FAM117B: variants seen among roughly 807,000 people sequenced by gnomAD.
FAM117B encodes protein FAM117B.
Under a neutral mutation model 52.8 loss-of-function variants are expected in FAM117B, and 22 were observed. That is an observed-to-expected ratio of 0.42 (90% CI 0.30 to 0.59). The LOEUF (loss-of-function observed/expected upper bound fraction) is 0.59, where lower values mean the gene tolerates loss of function less well. FAM117B is among the 20% of genes least tolerant of loss of function. The pLI, the probability that FAM117B is intolerant of heterozygous loss-of-function variation, is 0.22. For missense variants in FAM117B, 678 were observed against 802.6 expected, an observed-to-expected ratio of 0.84 and a Z score of 1.88; for synonymous variants, 309 against 324.1, an observed-to-expected ratio of 0.95 and a Z score of 0.50.
chr2:202,661,937 A>G (rs1034215684), intron 1 of FAM117B, among the ~76,000 whole-genome samples: 2 of 151,992 alleles, frequency 1.3e-5, no homozygotes, highest in Non-Finnish European at 2.9e-5. Flanking sequence ...AAAAAAAAAA[A>G]AGATCAACAA....
rs1424848732 is a variant in FAM117B, at chr2:202,668,467, G to T, written c.602-27414G>T. ...TGCGTAAACCTGAGAAGTGGAGGTT[G>T]CAGTGAGCTGAGATCACGCCACTGC... On this transcript the variant is annotated intron_variant, in intron 1 of 7. Coordinates refer to ENST00000392238, the MANE Select transcript of FAM117B (RefSeq NM_173511.4). Among the ~76,000 whole-genome samples the T allele has an allele frequency of 3.5e-5, 5 of 141,352 alleles. No individual in the cohort carries two copies. In the East Asian group the frequency reaches 8.0e-4, roughly 23 times the overall value. The allele number at this position is 141,352 out of a possible 152,430, so 92.7% of individuals were successfully genotyped here.
intron 1 of FAM117B, among the ~76,000 whole-genome samples, chr2:202,685,142 C>T (rs1690520547): frequency 6.6e-6 from 1 of 152,042 alleles, no homozygotes. Flanking sequence ...GCTACTATGC[C>T]TGGCTAATAT....
chr2:202,690,054 C>T (rs1337049173), intron 1 of FAM117B, among the ~76,000 whole-genome samples: 1 of 152,194 alleles, frequency 6.6e-6, no homozygotes, highest in African/African-American at 2.4e-5. Context: ...GTTTGGGATG[C>T]TCCACTAGTG....
At chr2:202,749,726 T>G (rs1252310764) in intron 4 of FAM117B, among the ~76,000 whole-genome samples, 1 of 152,016 alleles carries the variant, frequency 6.6e-6, no homozygotes, top group Non-Finnish European at 1.5e-5. Flanking sequence ...GCCAGGAGTT[T>G]GAGACCAGCC....
chr2:202,685,238 G>C (rs1486059107), intron 1 of FAM117B, among the ~76,000 whole-genome samples: 1 of 152,136 alleles, frequency 6.6e-6, no homozygotes, highest in Non-Finnish European at 1.5e-5. Flanking sequence ...ACCTGCCTCT[G>C]CCTCCCAAAG....
chr2:202,695,829 CTTTG>C (rs1214834273), intron 1 of FAM117B, 48 bp from the exon 2 acceptor site: 64 of 1,525,524 alleles, frequency 4.2e-5, no homozygotes, highest in South Asian at 3.2e-4. Context: ...TTAGTTTCTG[CTTTG>C]TTTCTTTCCT....
Position 202,695,877 on chromosome 2 carries a change from C to T in FAM117B, c.602-4C>T. 1 of 1,576,412 alleles carries T rather than the reference C, an allele frequency of 6.3e-7. No homozygotes were observed. Among genetic ancestry groups the T allele is most frequent in the Admixed American group, 1.9e-5 (1 of 53,016 alleles). On this transcript the variant is annotated splice_polypyrimidine_tract_variant and splice_region_variant and intron_variant, in intron 1 of 7. Transcript: ENST00000392238. Reference sequence around the variant, plus strand: ...TAAAACAAGCATTTTTGTCTTAAATCTAGGTGACAAAACACGACAGCCTTC... The same window carrying T: ...TAAAACAAGCATTTTTGTCTTAAATTTAGGTGACAAAACACGACAGCCTTC...
intron 4 of FAM117B, among the ~76,000 whole-genome samples, chr2:202,733,146 G>T (rs1028496881): frequency 2.6e-5 from 4 of 152,122 alleles, no homozygotes; most frequent in African/African-American, 9.7e-5. Flanking sequence ...AAACCAGCAG[G>T]TTTTCATTAA....
intron 2 of FAM117B, among the ~76,000 whole-genome samples, chr2:202,702,430 G>T (rs1360739562): frequency 6.6e-6 from 1 of 151,990 alleles, no homozygotes; most frequent in African/African-American, 2.4e-5. Flanking sequence ...AAATAAAAAA[G>T]AAAGAAATTG....
At chr2:202,678,702 A>G (rs1405654863) in intron 1 of FAM117B, among the ~76,000 whole-genome samples, 1 of 152,172 alleles carries the variant, frequency 6.6e-6, no homozygotes, top group Non-Finnish European at 1.5e-5. Context: ...GATTACAGGC[A>G]TGCGCCACCA....
At chr2:202,648,527 C>A (rs1172701612) in intron 1 of FAM117B, among the ~76,000 whole-genome samples, 3 of 130,582 alleles carry the variant, frequency 2.3e-5, no homozygotes, top group African/African-American at 8.7e-5. Flanking sequence ...CACCCCCCCC[C>A]CAAAACAAAA....
At chr2:202,762,596 TTTTC>T (rs778525038) in intron 7 of FAM117B, among the ~76,000 whole-genome samples, 22 of 152,330 alleles carry the variant, frequency 1.4e-4, no homozygotes, top group Non-Finnish European at 2.8e-4. Flanking sequence ...GCGTGAGTTT[TTTTC>T]TTTCTATGTA....
intron 1 of FAM117B, among the ~76,000 whole-genome samples, chr2:202,682,396 G>A (rs1417385601): frequency 6.6e-6 from 1 of 152,166 alleles, no homozygotes; most frequent in Non-Finnish European, 1.5e-5. Flanking sequence ...GGCTAGTATG[G>A]AGTTTGCTCT....
intron 1 of FAM117B, among the ~76,000 whole-genome samples, chr2:202,650,091 G>T (rs905363276): frequency 2.6e-5 from 4 of 151,894 alleles, no homozygotes; most frequent in African/African-American, 9.7e-5. Context: ...GTGTTTTAGA[G>T]CAATTAAAAA....
chr2:202,671,822 G>T (rs1221182500), intron 1 of FAM117B, among the ~76,000 whole-genome samples: 4 of 152,142 alleles, frequency 2.6e-5, no homozygotes, highest in Non-Finnish European at 1.5e-5. Context: ...GCAAATCCCA[G>T]AAATTGTTGT....
chr2:202,752,899 T>C (rs993630336), intron 4 of FAM117B, among the ~76,000 whole-genome samples: 1 of 152,248 alleles, frequency 6.6e-6, no homozygotes, highest in African/African-American at 2.4e-5. Context: ...TGGAAGTGGT[T>C]CTGTTAAATA....
intron 2 of FAM117B, among the ~76,000 whole-genome samples, chr2:202,717,275 A>T (rs1574567569): frequency 6.6e-6 from 1 of 152,210 alleles, no homozygotes; most frequent in African/African-American, 2.4e-5. Flanking sequence ...GTTTGCGACC[A>T]GCCTGGGTAA....
At chr2:202,722,468 A>G (rs1199013340) in intron 2 of FAM117B, among the ~76,000 whole-genome samples, 1 of 152,238 alleles carries the variant, frequency 6.6e-6, no homozygotes, top group East Asian at 1.9e-4. Flanking sequence ...TGGTGCATAT[A>G]CACCATGGAC....
chr2:202,717,905 GC>G (rs1482614582), intron 2 of FAM117B, among the ~76,000 whole-genome samples: 1 of 152,184 alleles, frequency 6.6e-6, no homozygotes, highest in East Asian at 1.9e-4. Context: ...GTTTCCCCAG[GC>G]CCTGGGCAGG....
Sources: allele counts gnomAD v4.1 joint callset (sites outside exome capture counted in the v4.1 genomes callset), GRCh38; gene constraint gnomAD v4.1.1; transcripts MANE v1.5; gene names NCBI Gene and HGNC (gene_info 2026-07-23, HGNC 2026-07-21).